Variants in FBXL17 observed in about 807,000 individuals in gnomAD.
FBXL17 encodes the protein F-box and leucine rich repeat protein 17.
Under a neutral mutation model 66.2 loss-of-function variants are expected in FBXL17, and 22 were observed. The ratio of observed to expected loss-of-function variants is 0.33; its 90% confidence interval spans 0.24 to 0.47. The LOEUF is 0.47. FBXL17 is among the 20% of genes least tolerant of loss of function. FBXL17 has a pLI of 1.00. For missense variants in FBXL17, 878 were observed against 948.2 expected (o/e 0.93, Z 0.97); for synonymous variants, 474 against 400.5 (o/e 1.18, Z -2.19).
chr5:108,301,798 G>C (rs994255047), intron 4 of FBXL17, among the ~76,000 whole-genome samples: 1 of 151,210 alleles, frequency 6.6e-6, no homozygotes, highest in Non-Finnish European at 1.5e-5. Flanking sequence ...ATCCAAAAAA[G>C]TTCAGCACAT....
intron 8 of FBXL17, among the ~76,000 whole-genome samples, chr5:107,873,418 C>A: frequency 6.6e-6 from 1 of 152,280 alleles, no homozygotes; most frequent in East Asian, 1.9e-4. Context: ...AAAAAATAAA[C>A]TATTAATAAA....
chr5:108,356,266 T>C (rs141240867), intron 3 of FBXL17, among the ~76,000 whole-genome samples: 63 of 151,910 alleles, frequency 4.1e-4, no homozygotes, highest in African/African-American at 1.5e-3. Context: ...GAAGGAGAAA[T>C]AGATGAATTC....
chr5:108,374,946 A>T (rs1369272576), intron 1 of FBXL17, among the ~76,000 whole-genome samples: 1 of 152,268 alleles, frequency 6.6e-6, no homozygotes, highest in South Asian at 2.1e-4. Context: ...AGAAACTATA[A>T]AAAGAAAACT....
chr5:108,296,534 T>C (rs1208053667), intron 4 of FBXL17, among the ~76,000 whole-genome samples: 2 of 151,832 alleles, frequency 1.3e-5, no homozygotes, highest in African/African-American at 4.8e-5. Context: ...CCAAAAGCAC[T>C]GATTTATTTA....
chr5:108,017,264 T>G (rs1264339111), intron 7 of FBXL17, among the ~76,000 whole-genome samples: 1 of 152,186 alleles, frequency 6.6e-6, no homozygotes, highest in African/African-American at 2.4e-5. Flanking sequence ...AATGAAAGGT[T>G]TTAGACTTTT....
chr5:107,937,636 T>C, intron 7 of FBXL17, among the ~76,000 whole-genome samples: 1 of 152,188 alleles, frequency 6.6e-6, no homozygotes, highest in East Asian at 1.9e-4. Context: ...TGTAAGCTCC[T>C]TGAAGGTAGA....
intron 1 of FBXL17, among the ~76,000 whole-genome samples, chr5:108,372,274 A>G (rs535459631): frequency 6.6e-6 from 1 of 152,346 alleles, no homozygotes; most frequent in East Asian, 1.9e-4. Flanking sequence ...ACTGAAGGAA[A>G]ATGAACATAC....
intron 7 of FBXL17, among the ~76,000 whole-genome samples, chr5:107,900,953 A>T (rs1051297200): frequency 8.5e-5 from 13 of 152,296 alleles, no homozygotes; most frequent in South Asian, 4.1e-4. Context: ...GAGGATTTGT[A>T]AAACCACTGT....
chr5:108,146,990 T>C (rs1315715380), intron 6 of FBXL17, among the ~76,000 whole-genome samples: 1 of 152,152 alleles, frequency 6.6e-6, no homozygotes, highest in South Asian at 2.1e-4. Flanking sequence ...TGATGAAGGT[T>C]CTCTCTCTGC....
chr5:108,178,285 T>C (rs542239441), intron 6 of FBXL17, among the ~76,000 whole-genome samples: 206 of 152,052 alleles, frequency 1.4e-3, no homozygotes, highest in Non-Finnish European at 2.5e-3. Flanking sequence ...TGAGCTCAAG[T>C]AGTCCACCCT....
intron 3 of FBXL17, among the ~76,000 whole-genome samples, chr5:108,356,791 C>T (rs894823354): frequency 2.0e-5 from 3 of 151,736 alleles, no homozygotes; most frequent in African/African-American, 7.3e-5. Context: ...ATGTACAATA[C>T]CAAGAGTGAA....
At chr5:108,207,098 A>C (rs1561464337) in intron 5 of FBXL17, among the ~76,000 whole-genome samples, 1 of 152,154 alleles carries the variant, frequency 6.6e-6, no homozygotes, top group Admixed American at 6.6e-5. Context: ...AAATAGAACA[A>C]TTATAACAAT....
intron 5 of FBXL17, among the ~76,000 whole-genome samples, chr5:108,205,284 T>A (rs1160781690): frequency 6.6e-6 from 1 of 152,156 alleles, no homozygotes; most frequent in Non-Finnish European, 1.5e-5. Context: ...TTAGTCCCTT[T>A]GTAATATTTT....
intron 7 of FBXL17, among the ~76,000 whole-genome samples, chr5:107,991,813 A>G (rs1753262115): frequency 6.6e-6 from 1 of 152,164 alleles, no homozygotes; most frequent in African/African-American, 2.4e-5. Flanking sequence ...CTTTTATAAT[A>G]TCCTTTCATT....
chr5:108,341,514 A>G (rs1172676710), intron 4 of FBXL17, among the ~76,000 whole-genome samples: 1 of 152,136 alleles, frequency 6.6e-6, no homozygotes, highest in African/African-American at 2.4e-5. Flanking sequence ...GGTGACAGGC[A>G]TACAGCTGTT....
rs1028728417 is a variant in FBXL17 at position 108,293,948 on chromosome 5, C to A, written c.1506+54451G>T. 2.1e-5 allele frequency among the ~76,000 whole-genome samples: 3 copies of A among 139,898 alleles called. No individual in the cohort carries two copies. The East Asian group carries it at 6.5e-4, about 30-fold the overall frequency. 91.8% of individuals were successfully genotyped at this position (139,898 alleles called of 152,430 possible). ...TCCAGCTACTTGGGAGGCTGAAGCA[C>A]AAGAATCCATTGAACCCAGGAGGCG... On this transcript the variant is annotated intron_variant, in intron 4 of 8. Transcript: ENST00000542267.
chr5:108,351,091 G>A (rs1747620059), intron 3 of FBXL17, among the ~76,000 whole-genome samples: 1 of 152,048 alleles, frequency 6.6e-6, no homozygotes. Context: ...GAAAGCTTTG[G>A]TCTTCATTAG....
intron 6 of FBXL17, among the ~76,000 whole-genome samples, chr5:108,081,497 G>T (rs1163420548): frequency 6.6e-6 from 1 of 152,022 alleles, no homozygotes; most frequent in Non-Finnish European, 1.5e-5. Flanking sequence ...CAAGGAGAGC[G>T]GATCACGAGG....
At chr5:108,063,844 C>A (rs902384188) in intron 6 of FBXL17, among the ~76,000 whole-genome samples, 11 of 151,650 alleles carry the variant, frequency 7.3e-5, no homozygotes, top group African/African-American at 2.2e-4. Context: ...ATGAAAAAAA[C>A]AACAGTGATT....
Sources: gnomAD v4.1 joint callset for allele counts (sites outside exome capture counted in the v4.1 genomes callset) on GRCh38, gnomAD v4.1.1 for gene constraint, MANE v1.5 for transcripts, NCBI Gene and HGNC (gene_info 2026-07-23, HGNC 2026-07-21) for gene names.